FRMD4A: variants seen among roughly 807,000 people sequenced by gnomAD.
FRMD4A encodes the protein FERM domain-containing protein 4A.
FRMD4A carries 29 observed loss-of-function variants against 129.1 expected under a neutral mutation model. The observed-to-expected ratio is 0.22, with a 90% CI of 0.17 to 0.31. The LOEUF (loss-of-function observed/expected upper bound fraction) is 0.31. Among genes scored for constraint, FRMD4A ranks in the 10% least tolerant of loss-of-function variants. The pLI, the probability that FRMD4A is intolerant of heterozygous loss-of-function variation, is 1.00. For synonymous variants in FRMD4A, 634 were observed against 571.6 expected (o/e 1.11, Z -1.56); for missense variants, 1,272 against 1,375.8 (o/e 0.92, Z 1.19).
chr10:13,836,508 C>G (rs1460823195), intron 3 of FRMD4A, among the ~76,000 whole-genome samples: 1 of 152,110 alleles, frequency 6.6e-6, no homozygotes, highest in African/African-American at 2.4e-5. Context: ...AACAGAAATG[C>G]GAAGTGGCTT....
intron 2 of FRMD4A, among the ~76,000 whole-genome samples, chr10:14,158,015 C>T (rs986623786): frequency 1.3e-5 from 2 of 152,292 alleles, no homozygotes; most frequent in East Asian, 1.9e-4. Flanking sequence ...CCATGACCTT[C>T]TGGTGAAGCA....
At chr10:13,984,674 C>T (rs1264361341) in intron 2 of FRMD4A, among the ~76,000 whole-genome samples, 3 of 152,218 alleles carry the variant, frequency 2.0e-5, no homozygotes, top group Non-Finnish European at 4.4e-5. Flanking sequence ...ATAAGGTGCT[C>T]AGGGTTCATC....
chr10:13,720,670 A>T (rs1466532852), intron 12 of FRMD4A, among the ~76,000 whole-genome samples: 4 of 152,194 alleles, frequency 2.6e-5, no homozygotes, highest in Non-Finnish European at 5.9e-5. Flanking sequence ...GAAGGATAGG[A>T]CAGGGTTTGC....
chr10:13,914,715 A>T (rs1233335317), intron 2 of FRMD4A, among the ~76,000 whole-genome samples: 1 of 152,128 alleles, frequency 6.6e-6, no homozygotes, highest in Non-Finnish European at 1.5e-5. Context: ...AAAAAACAAA[A>T]CCCATACAAC....
At position 13,917,772 on chromosome 10, in the gene FRMD4A, G is replaced by A. The variant is rs190386367; in HGVS notation, c.46-58860C>T. Among the ~76,000 whole-genome samples, 519 of 152,250 alleles carry A rather than the reference G, an allele frequency of 3.4e-3. 1 individual carries two copies. Among genetic ancestry groups the A allele is most frequent in the Non-Finnish European group, 6.7e-3 (458 of 68,016 alleles). ...GCTGGCACCGAAGGTCCCTCTCTTT[G>A]CAACACCCGGCAAAGGGGACAGGAA... is the stretch of plus-strand genomic sequence containing the variant. On this transcript the variant is annotated intron_variant, in intron 2 of 24. Transcript: ENST00000357447.
At chr10:13,676,061 TCAAAC>T (rs903655855) in intron 15 of FRMD4A, 10 of 152,024 alleles carry the variant, frequency 6.6e-5, no homozygotes, top group African/African-American at 9.7e-5. Context: ...AAGGCAAACT[TCAAAC>T]CAAACCAAAG....
intron 2 of FRMD4A, among the ~76,000 whole-genome samples, chr10:13,960,767 T>A (rs1021329885): frequency 5.9e-5 from 9 of 152,160 alleles, no homozygotes; most frequent in Non-Finnish European, 4.4e-5. Flanking sequence ...GTGACCAAGT[T>A]CTGGCCAATG....
At chr10:14,247,695 C>T (rs957561780) in intron 2 of FRMD4A, among the ~76,000 whole-genome samples, 2 of 152,040 alleles carry the variant, frequency 1.3e-5, no homozygotes, top group East Asian at 1.9e-4. Context: ...TAGGGAAGTC[C>T]GAGTGAAGAA....
intron 18 of FRMD4A, 147 bp downstream of exon 18, chr10:13,665,950 C>G: frequency 1.6e-6 from 1 of 637,510 alleles, no homozygotes; most frequent in Non-Finnish European, 2.8e-6. Flanking sequence ...TCAGGCCTTA[C>G]TCGCTTCATT....
At chr10:14,067,600 C>T (rs1211450572) in intron 2 of FRMD4A, among the ~76,000 whole-genome samples, 4 of 151,434 alleles carry the variant, frequency 2.6e-5, no homozygotes, top group South Asian at 2.1e-4. Flanking sequence ...GGGCGGATCA[C>T]GAGGTCAGGA....
At chr10:14,286,976 CA>C (rs1845699777) in intron 2 of FRMD4A, among the ~76,000 whole-genome samples, 1 of 152,162 alleles carries the variant, frequency 6.6e-6, no homozygotes, top group Non-Finnish European at 1.5e-5. Flanking sequence ...TGGAACAACA[CA>C]TTTGCATTCT....
At chr10:14,222,205 C>A (rs765653798) in intron 2 of FRMD4A, among the ~76,000 whole-genome samples, 6 of 152,178 alleles carry the variant, frequency 3.9e-5, no homozygotes, top group Admixed American at 2.0e-4. Context: ...GCATATAAAT[C>A]AGCTGTGAAA....
At chr10:14,040,484 T>C (rs981713988) in intron 2 of FRMD4A, among the ~76,000 whole-genome samples, 8 of 152,192 alleles carry the variant, frequency 5.3e-5, no homozygotes, top group Admixed American at 1.3e-4. Flanking sequence ...CTGAAGTTAA[T>C]GTTCTTGCAA....
At chr10:13,991,453 G>A (rs950285578) in intron 2 of FRMD4A, among the ~76,000 whole-genome samples, 7 of 152,188 alleles carry the variant, frequency 4.6e-5, no homozygotes, top group African/African-American at 1.7e-4. Context: ...TCCCAGGAAT[G>A]CCTGTAAACT....
intron 3 of FRMD4A, among the ~76,000 whole-genome samples, chr10:13,852,352 C>T (rs181271200): frequency 1.0e-3 from 154 of 151,980 alleles, no homozygotes; most frequent in African/African-American, 3.3e-3. Context: ...CAAGTGATTC[C>T]CTTGCCTCAG....
At chr10:13,729,882 A>C (rs1469857507) in intron 12 of FRMD4A, among the ~76,000 whole-genome samples, 2 of 152,202 alleles carry the variant, frequency 1.3e-5, no homozygotes, top group African/African-American at 4.8e-5. Context: ...CTGCATTTCT[A>C]AGTGATGATT....
At chr10:13,863,939 A>G (rs925293005) in intron 2 of FRMD4A, among the ~76,000 whole-genome samples, 1 of 152,188 alleles carries the variant, frequency 6.6e-6, no homozygotes, top group African/African-American at 2.4e-5. Flanking sequence ...ACACAGGGAC[A>G]CGGAAAGTAA....
At chr10:14,242,491 T>C (rs770108609) in intron 2 of FRMD4A, among the ~76,000 whole-genome samples, 8 of 152,356 alleles carry the variant, frequency 5.3e-5, no homozygotes, top group Middle Eastern at 3.4e-3. Flanking sequence ...ATAAGTAGTA[T>C]ATTAATGGTA....
chr10:13,903,806 C>T (rs1377441960), intron 2 of FRMD4A, among the ~76,000 whole-genome samples: 1 of 151,970 alleles, frequency 6.6e-6, no homozygotes, highest in African/African-American at 2.4e-5. Flanking sequence ...TGGTGTGAAC[C>T]CAGGTGTTGG....
Sources: gnomAD v4.1 joint callset for allele counts (sites outside exome capture counted in the v4.1 genomes callset) on GRCh38, gnomAD v4.1.1 for gene constraint, MANE v1.5 for transcripts, NCBI Gene and HGNC (gene_info 2026-07-23, HGNC 2026-07-21) for gene names.